DSG3: variants seen among roughly 807,000 people sequenced by gnomAD.
DSG3 encodes the protein desmoglein-3.
In DSG3, 63 loss-of-function variants were observed where a neutral mutation model predicts 85.9. The ratio of observed to expected loss-of-function variants is 0.73; its 90% CI spans 0.60 to 0.90. The LOEUF (loss-of-function observed/expected upper bound fraction) is 0.90, where lower values mean the gene tolerates loss of function less well. Ranked by LOEUF, DSG3 falls within the 40% of genes least tolerant of loss-of-function variation. The pLI is 0.00. For missense variants in DSG3, 1,220 were observed against 1,219.9 expected, an observed-to-expected ratio of 1.00 and a Z score of 0.00; for synonymous variants, 447 against 441.9, an observed-to-expected ratio of 1.01 and a Z score of -0.14.
rs754772340 is a variant in DSG3 at position 31,474,246 on chromosome 18, T to A, written c.2227T>A (p.Ser743Thr). 2.5e-6 allele frequency: 4 copies of A among 1,614,016 alleles called. No homozygotes were observed. The highest frequency in any genetic ancestry group is 1.3e-5 in the African/African-American group (1 of 74,892). ...TGCAGGCTTTGCAACAGGGACAGTG[T>A]CAGGAGCTGCTTCAGGATTCGGAGC... is the stretch of plus-strand genomic sequence containing the variant. ...GAAGFATGTV[S>T]GAASGFGAAT... The change falls in exon 15 of 16, where the codon TCA becomes ACA. Residue 743 changes from serine (S) to threonine (T), a missense_variant. Transcript: ENST00000257189.
rs991888287 is a variant in DSG3, at chr18:31,476,532, A to G, written c.*272A>G. ...TATTCGCCAGGAAATTTTCCTAAAC[A>G]TTCTTAAGCTTCTATTTTTCCCCTG... is the stretch of plus-strand genomic sequence containing the variant. On this transcript the variant is annotated 3_prime_UTR_variant, in exon 16 of 16. Coordinates refer to ENST00000257189, the MANE Select transcript of DSG3 (RefSeq NM_001944.3). 9.1e-6 allele frequency: 3 copies of G among 331,346 alleles called. No homozygotes were observed. The highest frequency in any genetic ancestry group is 8.8e-5 in the Admixed American group (2 of 22,654). The allele number at this position is 331,346 out of a possible 1,614,324, so 20.5% of individuals were successfully genotyped here. A position where few individuals can be genotyped will look rare whatever the true frequency, so the allele number is the denominator to read the frequency against.
In DSG3 at chr18:31,469,039, T is replaced by G. The variant is rs375330872; in HGVS notation, c.1637-50T>G. On this transcript the variant is annotated intron_variant, in intron 11 of 15. Transcript: ENST00000257189. ...TCTGTTATAGCAACACAAAATAGACTGAAAAGACACTTCGTCCTACTGTTG... is the reference window on the plus strand; with the variant it reads ...TCTGTTATAGCAACACAAAATAGACGGAAAAGACACTTCGTCCTACTGTTG... 22 of 1,600,690 alleles carry G rather than the reference T, an allele frequency of 1.4e-5. No individual in the cohort carries two copies. In the African/African-American group the frequency reaches 2.8e-4, roughly 20 times the overall value.
chr18:31,475,936 G>C lies in DSG3; in HGVS notation c.2676G>C (p.Gln892His). Reference protein sequence around the residue: ...ESCGHPIEVQQTGFVKCQTLS... With the variant: ...ESCGHPIEVQHTGFVKCQTLS... ...GTGGCCATCCCATAGAAGTCCAGCA[G>C]ACAGGATTTGTTAAGTGCCAGACTT... Residue 892 changes from glutamine (Q) to histidine (H), a missense_variant, in exon 16 of 16, where the codon CAG becomes CAC. By Grantham distance (24) the Gln-to-His change is conservative. Transcript: ENST00000257189. 6.2e-7 allele frequency: 1 copy of C among 1,614,230 alleles called. No individual in the cohort carries two copies. Among genetic ancestry groups the C allele is most frequent in the Non-Finnish European group, 8.5e-7 (1 of 1,180,040 alleles).
intron 10 of DSG3, among the ~76,000 whole-genome samples, 194 bp from the exon 11 acceptor site, chr18:31,466,336 C>G (rs2072817969): frequency 1.3e-5 from 2 of 152,040 alleles, no homozygotes; most frequent in East Asian, 3.9e-4. Context: ...GAGACATCAG[C>G]CTATTTGGTA....
rs1270612831 is a variant in DSG3, at chr18:31,469,090, T to C, written c.1638T>C (p.Ala546=). ...ATTTGCATGATTCTTTCTCTACAGC[T>C]ACCTCGGCCCTCCTCAGAGCCCAGG... ...PAVWSITTLN[A]TSALLRAQEQ... The change falls in exon 12 of 16, where the codon GCT becomes GCC. Residue 546 remains alanine, a splice_region_variant and synonymous_variant. Transcript: ENST00000257189. 5 of 1,612,544 alleles carry C rather than the reference T, an allele frequency of 3.1e-6. No homozygotes were observed. The highest frequency in any genetic ancestry group is 4.2e-6 in the Non-Finnish European group (5 of 1,178,572).
At chr18:31,466,501 T>C (rs1460845358) in intron 10 of DSG3, 29 bp from the exon 11 acceptor site, 13 of 1,596,140 alleles carry the variant, frequency 8.1e-6, no homozygotes, top group Non-Finnish European at 9.4e-6. Flanking sequence ...TCTATACATT[T>C]CTTTAACTCT....
rs1273882431 is a variant in DSG3 at position 31,477,426 on chromosome 18, A to G, written c.*1166A>G. The G allele has an allele frequency of 1.3e-5, 2 of 152,270 alleles. No individual in the cohort carries two copies. Among genetic ancestry groups the G allele is most frequent in the Non-Finnish European group, 2.9e-5 (2 of 68,048 alleles). 9.4% of individuals were successfully genotyped at this position (152,270 alleles called of 1,614,324 possible). A position where few individuals can be genotyped will look rare whatever the true frequency, so the allele number is the denominator to read the frequency against. Reference sequence around the variant, plus strand: ...ATGTCTGCAGATTTTGTAGGAATACAAAACATGGCCTTTTTTATAAGCAAA... The same window carrying G: ...ATGTCTGCAGATTTTGTAGGAATACGAAACATGGCCTTTTTTATAAGCAAA... On this transcript the variant is annotated 3_prime_UTR_variant, in exon 16 of 16. Transcript: ENST00000257189.
intron 15 of DSG3, among the ~76,000 whole-genome samples, chr18:31,474,974 G>A (rs900900561): frequency 7.2e-5 from 11 of 152,110 alleles, no homozygotes; most frequent in Non-Finnish European, 1.0e-4. Context: ...ATTTTCCTGA[G>A]AGAGGGGTAG....
intron 1 of DSG3, among the ~76,000 whole-genome samples, chr18:31,453,454 A>T (rs2072723399): frequency 6.6e-6 from 1 of 152,200 alleles, no homozygotes; most frequent in African/African-American, 2.4e-5. Flanking sequence ...TTTTTGTTTA[A>T]TCTAGCTACC....
In DSG3 at chr18:31,460,839, A is replaced by G. The variant is rs149952914; in HGVS notation, c.691A>G (p.Ser231Gly). ...ATTTTTTATCCAAAATTAGCAAGCTAGCAGCTATCGTCTGGTTGTGAGTGG... is the reference window on the plus strand; with the variant it reads ...ATTTTTTATCCAAAATTAGCAAGCTGGCAGCTATCGTCTGGTTGTGAGTGG... ...LTNSLDREQA[S>G]SYRLVVSGAD... Residue 231 changes from serine to glycine, a missense_variant, in exon 7 of 16, where the codon AGC becomes GGC. Transcript: ENST00000257189. The G allele has an allele frequency of 6.3e-7, 1 of 1,577,224 alleles. No homozygotes were observed. Among genetic ancestry groups the G allele is most frequent in the Non-Finnish European group, 8.6e-7 (1 of 1,169,032 alleles).
chr18:31,454,589 A>G (rs1342424525), intron 1 of DSG3, among the ~76,000 whole-genome samples: 2 of 151,996 alleles, frequency 1.3e-5, no homozygotes, highest in Non-Finnish European at 2.9e-5. Flanking sequence ...TAAACAATCT[A>G]CATTGTTTCA....
intron 9 of DSG3, 47 bp from the exon 10 acceptor site, chr18:31,465,271 C>G: frequency 7.8e-7 from 1 of 1,280,962 alleles, no homozygotes. Context: ...AAATATGTAA[C>G]ATTCCACATT....
rs190717790 is a variant in DSG3 at position 31,473,273 on chromosome 18, C to T, written c.2101+485C>T. Among the ~76,000 whole-genome samples, 318 of 152,302 alleles carry T rather than the reference C, an allele frequency of 2.1e-3. 1 individual carries two copies. The highest frequency in any genetic ancestry group is 6.1e-3 in the African/African-American group (252 of 41,562). ...AACTAACAGTATCCTGATTTCAGTT[C>T]AATTACTAATTCCTGCATTCAGTCA... On this transcript the variant is annotated intron_variant, in intron 14 of 15. Coordinates refer to ENST00000257189, the MANE Select transcript of DSG3 (RefSeq NM_001944.3).
At chr18:31,458,341 G>A (rs2072761969) in intron 3 of DSG3, 104 bp from the exon 4 acceptor site, 2 of 1,229,722 alleles carry the variant, frequency 1.6e-6, no homozygotes, top group Admixed American at 2.3e-5. Context: ...ATGTCAAAAA[G>A]AGTGAATCGA....
At chr18:31,461,084 T>C (rs908331706) in intron 7 of DSG3, 123 bp downstream of exon 7, 4 of 1,262,860 alleles carry the variant, frequency 3.2e-6, no homozygotes, top group Admixed American at 3.0e-5. Flanking sequence ...TAAAGAAATA[T>C]GCTTTTTAAA....
Position 31,473,787 on chromosome 18 carries a change from C to T in DSG3, c.2102-334C>T, listed in dbSNP as rs73953936. Among the ~76,000 whole-genome samples the T allele has an allele frequency of 7.1e-3, 1,088 of 152,184 alleles. 12 individuals are homozygous for T. The highest frequency in any genetic ancestry group is 0.024 in the African/African-American group (1,003 of 41,538). ...GGACTGCTTAACTATAATGTTTTTT[C>T]GTGAAAACAAACAAGCATTGCATTA... is the stretch of plus-strand genomic sequence containing the variant. On this transcript the variant is annotated intron_variant, in intron 14 of 15. Coordinates refer to ENST00000257189, the MANE Select transcript of DSG3 (RefSeq NM_001944.3).
At chr18:31,454,385 G>A (rs1486859990) in intron 1 of DSG3, among the ~76,000 whole-genome samples, 4 of 152,192 alleles carry the variant, frequency 2.6e-5, no homozygotes, top group Non-Finnish European at 5.9e-5. Flanking sequence ...GAGCAACAAT[G>A]TTGGAAAATA....
intron 1 of DSG3, among the ~76,000 whole-genome samples, chr18:31,448,881 T>C (rs1207114165): frequency 6.6e-6 from 1 of 152,126 alleles, no homozygotes; most frequent in African/African-American, 2.4e-5. Context: ...AGAAAGGACT[T>C]TCTTAGCTCT....
At chr18:31,457,978 A>T (rs1490222762) in intron 3 of DSG3, among the ~76,000 whole-genome samples, 1 of 152,158 alleles carries the variant, frequency 6.6e-6, no homozygotes, top group Non-Finnish European at 1.5e-5. Flanking sequence ...CATGTTAAAA[A>T]GCTTTAAAAT....
Sources: allele counts gnomAD v4.1 joint callset (sites outside exome capture counted in the v4.1 genomes callset), GRCh38; gene constraint gnomAD v4.1.1; transcripts MANE v1.5; gene names NCBI Gene and HGNC (gene_info 2026-07-23, HGNC 2026-07-21).